Variants in PRAG1 observed in about 807,000 individuals in gnomAD.
PRAG1 encodes PEAK1 related, kinase-activating pseudokinase 1, also known as inactive tyrosine-protein kinase PRAG1.
In PRAG1, 110 loss-of-function variants were observed where a neutral mutation model predicts 95.6. That is an observed-to-expected ratio of 1.15 (90% confidence interval 0.99 to 1.35). The LOEUF (loss-of-function observed/expected upper bound fraction) is 1.35, where lower values mean the gene tolerates loss of function less well. PRAG1 is among the 40% of genes most tolerant of loss of function. The pLI, the probability that PRAG1 is intolerant of heterozygous loss-of-function variation, is 0.00. For missense variants in PRAG1, 2,554 were observed against 1,864.7 expected (o/e 1.37, Z -6.81); for synonymous variants, 1,052 against 819.4 (o/e 1.28, Z -4.85).
chr8:8,343,491 A>G (rs1799236975), intron 3 of PRAG1, among the ~76,000 whole-genome samples: 1 of 151,862 alleles, frequency 6.6e-6, no homozygotes, highest in Non-Finnish European at 1.5e-5. Context: ...AACAGAACAG[A>G]ACAGAAAATA....
intron 3 of PRAG1, among the ~76,000 whole-genome samples, chr8:8,343,905 C>T (rs1415620011): frequency 6.6e-6 from 1 of 151,876 alleles, no homozygotes; most frequent in African/African-American, 2.4e-5. Context: ...TTCTGGTAAC[C>T]ACATTTAAAA....
intron 2 of PRAG1, among the ~76,000 whole-genome samples, chr8:8,380,536 G>T (rs530108326): frequency 6.6e-6 from 1 of 150,850 alleles, no homozygotes; most frequent in African/African-American, 2.4e-5. Flanking sequence ...GAGGCAGAAG[G>T]TGCAGTGAGC....
chr8:8,344,475 A>G (rs955609707), intron 3 of PRAG1, among the ~76,000 whole-genome samples: 1 of 152,246 alleles, frequency 6.6e-6, no homozygotes, highest in Non-Finnish European at 1.5e-5. Flanking sequence ...GATACTCATC[A>G]ACTTCAAGAC....
chr8:8,373,075 G>A (rs1200293425), intron 3 of PRAG1, among the ~76,000 whole-genome samples: 2 of 152,202 alleles, frequency 1.3e-5, no homozygotes, highest in Non-Finnish European at 2.9e-5. Flanking sequence ...GTTGCTTGAA[G>A]ACCTTTCACG....
At chr8:8,343,046 T>A (rs1014679134) in intron 3 of PRAG1, among the ~76,000 whole-genome samples, 1 of 151,382 alleles carries the variant, frequency 6.6e-6, no homozygotes, top group African/African-American at 2.4e-5. Context: ...TAAAAAAGAG[T>A]GCCTATAAAT....
chr8:8,376,956 G>T lies in PRAG1; in HGVS notation c.1453C>A (p.His485Asn). ...TVMAAHPEED[H>N]RTIYLSSPDS... ...GGGCTGCTCAGGTAGATCGTCCGAT[G>T]GTCCTCTTCCGGGTGGGCCGCCATG... Residue 485 changes from histidine to asparagine, a missense_variant, in exon 3 of 6, where the codon CAT (histidine) becomes AAT (asparagine). Physicochemically the swap from His to Asn is moderately conservative, Grantham distance 68 (BLOSUM62 1). Transcript: ENST00000615670. 1 of 1,613,544 alleles carries T rather than the reference G, an allele frequency of 6.2e-7. No individual in the cohort carries two copies. Among genetic ancestry groups the T allele is most frequent in the Non-Finnish European group, 8.5e-7 (1 of 1,179,990 alleles).
intron 3 of PRAG1, among the ~76,000 whole-genome samples, chr8:8,365,323 C>T (rs765446177): frequency 3.9e-5 from 6 of 152,166 alleles, no homozygotes; most frequent in Non-Finnish European, 7.3e-5. Context: ...CAATCCTGGG[C>T]ACTGAAAATC....
chr8:8,356,035 C>A (rs997871965), intron 3 of PRAG1, among the ~76,000 whole-genome samples: 1 of 152,144 alleles, frequency 6.6e-6, no homozygotes, highest in Non-Finnish European at 1.5e-5. Context: ...TCTGATAAGA[C>A]GTTAATGTCC....
intron 4 of PRAG1, among the ~76,000 whole-genome samples, chr8:8,338,558 C>T (rs1338899784): frequency 3.9e-5 from 6 of 152,226 alleles, no homozygotes; most frequent in African/African-American, 1.4e-4. Context: ...CTACATTCCT[C>T]CCAAATCAAG....
intron 4 of PRAG1, among the ~76,000 whole-genome samples, chr8:8,332,952 A>C (rs1358185381): frequency 6.6e-6 from 1 of 151,866 alleles, no homozygotes; most frequent in Non-Finnish European, 1.5e-5. Flanking sequence ...CAGGGAACAA[A>C]TATACCCTGA....
intron 5 of PRAG1, 47 bp downstream of exon 5, chr8:8,327,663 G>A: frequency 6.4e-7 from 1 of 1,570,634 alleles, no homozygotes; most frequent in Non-Finnish European, 8.7e-7. Context: ...GCCCAAGCCA[G>A]CACCAGCCAG....
intron 3 of PRAG1, among the ~76,000 whole-genome samples, chr8:8,373,562 A>G (rs1365303935): frequency 6.6e-6 from 1 of 150,686 alleles, no homozygotes; most frequent in African/African-American, 2.5e-5. Context: ...CCATCCTCCC[A>G]CCTCAGCCCC....
rs369655027 is a variant in PRAG1, at chr8:8,322,146, C to T, written c.3073-2844G>A. Among the ~76,000 whole-genome samples the T allele has an allele frequency of 9.2e-5, 14 of 152,206 alleles. No individual in the cohort carries two copies. In the South Asian group the frequency reaches 2.5e-3, roughly 27 times the overall value. Reference sequence around the variant, plus strand: ...TAGACAGCACTTCAGCCCTATGCTTCGGCCATTTTATTTTATATATATAGT... The same window carrying T: ...TAGACAGCACTTCAGCCCTATGCTTTGGCCATTTTATTTTATATATATAGT... On this transcript the variant is annotated intron_variant, in intron 5 of 5. Transcript: ENST00000615670.
intron 4 of PRAG1, among the ~76,000 whole-genome samples, chr8:8,338,549 T>C (rs528816726): frequency 1.8e-4 from 27 of 152,366 alleles, no homozygotes; most frequent in Admixed American, 9.1e-4. Flanking sequence ...CTGTTGTTGC[T>C]ACATTCCTCC....
intron 3 of PRAG1, among the ~76,000 whole-genome samples, chr8:8,355,642 G>A (rs1425153917): frequency 6.6e-6 from 1 of 152,108 alleles, no homozygotes; most frequent in Non-Finnish European, 1.5e-5. Flanking sequence ...TGGTCAACTA[G>A]TTTTTGACAA....
intron 4 of PRAG1, among the ~76,000 whole-genome samples, chr8:8,331,581 T>C (rs1798818422): frequency 1.3e-5 from 2 of 152,222 alleles, no homozygotes; most frequent in African/African-American, 2.4e-5. Context: ...CTTCCTTCTA[T>C]GTCTAGTTCA....
At chr8:8,341,970 A>C (rs2116842457) in intron 3 of PRAG1, among the ~76,000 whole-genome samples, 1 of 152,078 alleles carries the variant, frequency 6.6e-6, no homozygotes, top group South Asian at 2.1e-4. Context: ...ATCTCTACTA[A>C]TCATACAAAA....
intron 3 of PRAG1, among the ~76,000 whole-genome samples, chr8:8,362,639 C>G (rs1051802603): frequency 1.3e-5 from 2 of 152,168 alleles, no homozygotes; most frequent in African/African-American, 4.8e-5. Flanking sequence ...GCTTATTCCT[C>G]GGTGCCACAA....
intron 3 of PRAG1, among the ~76,000 whole-genome samples, chr8:8,353,158 T>C (rs1245999882): frequency 6.6e-6 from 1 of 152,146 alleles, no homozygotes; most frequent in Non-Finnish European, 1.5e-5. Flanking sequence ...ATGTGATAGA[T>C]CAACCAGACA....
Sources: allele counts gnomAD v4.1 joint callset (sites outside exome capture counted in the v4.1 genomes callset), GRCh38; gene constraint gnomAD v4.1.1; transcripts MANE v1.5; gene names NCBI Gene and HGNC (gene_info 2026-07-23, HGNC 2026-07-21).